Variants in POTEC observed in about 807,000 individuals in gnomAD.
POTEC encodes the protein POTE ankyrin domain family member C.
A neutral mutation model predicts 62.0 loss-of-function variants in POTEC; 35 were observed. The ratio of observed to expected loss-of-function variants is 0.56; its 90% CI spans 0.43 to 0.75. The LOEUF is 0.75. POTEC is among the 30% of genes least tolerant of loss of function. The pLI is 0.00. For synonymous variants in POTEC, 156 were observed against 221.5 expected, an observed-to-expected ratio of 0.70 and a Z score of 2.62; for missense variants, 472 against 655.9, an observed-to-expected ratio of 0.72 and a Z score of 3.06.
rs771771447 is a variant in POTEC at position 14,538,110 on chromosome 18, G to A, written c.636+25C>T. 1.8e-5 allele frequency: 27 copies of A among 1,541,280 alleles called. No individual in the cohort carries two copies. In the South Asian group the frequency reaches 2.7e-4, roughly 15 times the overall value. The stretch of plus-strand genomic sequence containing the variant: ...TCTATTGAAATCAAACCCATCTCAC[G>A]CTGATATAGTTGACTACTGCATACC... On this transcript the variant is annotated intron_variant, in intron 2 of 10. Coordinates refer to ENST00000358970, the MANE Select transcript of POTEC (RefSeq NM_001137671.2).
Position 14,507,405 on chromosome 18 carries a change from TTTTTTC to T in POTEC, c.*4487_*4492del, listed in dbSNP as rs1325855086. The T allele has an allele frequency of 1.3e-5, 2 of 151,884 alleles. No homozygotes were observed. Among genetic ancestry groups the T allele is most frequent in the African/African-American group, 2.4e-5 (1 of 41,326 alleles). The allele number at this position is 151,884 out of a possible 1,614,324, so 9.4% of individuals were successfully genotyped here. ...CAGAAACTAGGAGTGCAACACCTGCTTTTTTCTGTTTTCCATTTCCTTGAAATATTT... is the reference window on the plus strand; with the variant it reads ...CAGAAACTAGGAGTGCAACACCTGCTTGTTTTCCATTTCCTTGAAATATTT... On this transcript the variant is annotated 3_prime_UTR_variant, in exon 11 of 11. Transcript: ENST00000358970.
In POTEC at chr18:14,519,221, C is replaced by T. The variant is rs1910246906; in HGVS notation, c.1409+3033G>A. Among the ~76,000 whole-genome samples, 3 of 152,070 alleles carry T rather than the reference C, an allele frequency of 2.0e-5. No individual in the cohort carries two copies. In the South Asian group the frequency reaches 6.2e-4, roughly 32 times the overall value. On this transcript the variant is annotated intron_variant, in intron 9 of 10. Transcript: ENST00000358970. ...GAGCAACTGGAAGAGTTGCCCTTAA[C>T]CAAAGTAGGAAAGACTACATGAGGT...
At position 14,509,993 on chromosome 18, in the gene POTEC, G is replaced by C. The variant is rs1279936428; in HGVS notation, c.*1905C>G. 3 of 149,682 alleles carry C rather than the reference G, an allele frequency of 2.0e-5. No individual in the cohort carries two copies. The highest frequency in any genetic ancestry group is 5.0e-5 in the African/African-American group (2 of 40,262). The allele number at this position is 149,682 out of a possible 1,614,324, so 9.3% of individuals were successfully genotyped here. On this transcript the variant is annotated 3_prime_UTR_variant, in exon 11 of 11. Transcript: ENST00000358970. Reference sequence around the variant, plus strand: ...TGCTGGGATAAAGTGTCTCATAAGAGCAAGTGGAGCCTAGAGACATAGCTG... The same window carrying C: ...TGCTGGGATAAAGTGTCTCATAAGACCAAGTGGAGCCTAGAGACATAGCTG...
chr18:14,528,492 G>T (rs866896549), intron 6 of POTEC, among the ~76,000 whole-genome samples: 40 of 152,242 alleles, frequency 2.6e-4, no homozygotes, highest in Non-Finnish European at 5.0e-4. Context: ...CCCCTTGCAT[G>T]CTTCTAAGTT....
Position 14,507,852 on chromosome 18 carries a change from G to C in POTEC, c.*4046C>G, listed in dbSNP as rs1909888147. 1 of 152,158 alleles carries C rather than the reference G, an allele frequency of 6.6e-6. No individual in the cohort carries two copies. Among genetic ancestry groups the C allele is most frequent in the Non-Finnish European group, 1.5e-5 (1 of 68,048 alleles). The allele number at this position is 152,158 out of a possible 1,614,324, so 9.4% of individuals were successfully genotyped here. On this transcript the variant is annotated 3_prime_UTR_variant, in exon 11 of 11. Coordinates refer to ENST00000358970, the MANE Select transcript of POTEC (RefSeq NM_001137671.2). ...TCACTTATGATGCTTAATTTTGCTG[G>C]ACATGAAATTCTGGGTTGAAATTTC...
chr18:14,511,994 C>G lies in POTEC; in HGVS notation c.1534-1G>C. 2 of 1,609,670 alleles carry G rather than the reference C, an allele frequency of 1.2e-6. No individual in the cohort carries two copies. Among genetic ancestry groups the G allele is most frequent in the Non-Finnish European group, 1.7e-6 (2 of 1,178,390 alleles). On this transcript the variant is annotated splice_acceptor_variant, in intron 10 of 10. Coordinates refer to ENST00000358970, the MANE Select transcript of POTEC (RefSeq NM_001137671.2). LOFTEE classifies it high-confidence loss of function. The stretch of plus-strand genomic sequence containing the variant: ...CTTCTTTCTTATGACTAAGAGAAAG[C>G]TAAGTAAACAAAGGGAACTTTTAGT...
chr18:14,513,873 A>G (rs1910079903), intron 9 of POTEC, 88 bp from the exon 10 acceptor site: 16 of 1,595,708 alleles, frequency 1.0e-5, no homozygotes, highest in Non-Finnish European at 1.4e-5. Flanking sequence ...TGTCATTCAC[A>G]CAATGCATAT....
At chr18:14,537,222 A>AAAG (rs1905769968) in intron 3 of POTEC, among the ~76,000 whole-genome samples, 1 of 121,692 alleles carries the variant, frequency 8.2e-6, no homozygotes, top group South Asian at 2.8e-4. Context: ...AAAAAAAAAA[A>AAAG]AAACAAAAAA....
chr18:14,533,588 C>T (rs536583450), intron 4 of POTEC, among the ~76,000 whole-genome samples: 2 of 152,210 alleles, frequency 1.3e-5, no homozygotes, highest in East Asian at 3.9e-4. Context: ...TAAATAAGAG[C>T]TCTCTGCATG....
chr18:14,518,331 TTA>T (rs1203942455), intron 9 of POTEC, among the ~76,000 whole-genome samples: 4 of 150,850 alleles, frequency 2.7e-5, no homozygotes, highest in Non-Finnish European at 5.9e-5. Context: ...AATGAAATGT[TTA>T]TGTGTTTGAT....
intron 5 of POTEC, among the ~76,000 whole-genome samples, chr18:14,532,491 G>A (rs1233265203): frequency 6.6e-6 from 1 of 152,152 alleles, no homozygotes; most frequent in Non-Finnish European, 1.5e-5. Flanking sequence ...GCATCTTGGT[G>A]TCAAAGGTCA....
At chr18:14,527,529 G>T (rs2143139713) in intron 6 of POTEC, among the ~76,000 whole-genome samples, 1 of 151,968 alleles carries the variant, frequency 6.6e-6, no homozygotes, top group East Asian at 1.9e-4. Context: ...CCTTCCTCAT[G>T]TCCAGGTTAA....
chr18:14,537,501 A>AT (rs1905781534), intron 3 of POTEC, among the ~76,000 whole-genome samples: 1 of 151,996 alleles, frequency 6.6e-6, no homozygotes, highest in Non-Finnish European at 1.5e-5. Flanking sequence ...GTCATTTTAC[A>AT]TTCGTTAGGG....
chr18:14,524,679 T>A (rs569325626), intron 7 of POTEC, among the ~76,000 whole-genome samples: 3 of 152,162 alleles, frequency 2.0e-5, no homozygotes, highest in Non-Finnish European at 4.4e-5. Flanking sequence ...TTATAGTGGT[T>A]ATGTTTTTAA....
chr18:14,518,495 T>A (rs1910224875), intron 9 of POTEC, among the ~76,000 whole-genome samples: 1 of 150,508 alleles, frequency 6.6e-6, no homozygotes, highest in African/African-American at 2.4e-5. Flanking sequence ...AAGATACAAA[T>A]GGGTTTGAAG....
At chr18:14,522,475 C>T (rs1910336745) in intron 8 of POTEC, 55 bp from the exon 9 acceptor site, 3 of 1,475,360 alleles carry the variant, frequency 2.0e-6, no homozygotes, top group Non-Finnish European at 2.7e-6. Flanking sequence ...ATAAAAATAA[C>T]CTTTTTAATT....
chr18:14,534,835 T>G, intron 4 of POTEC, 66 bp downstream of exon 4: 1 of 1,490,402 alleles, frequency 6.7e-7, no homozygotes, highest in Non-Finnish European at 8.9e-7. Flanking sequence ...TATTAATTTA[T>G]TATTTATGAC....
In POTEC at chr18:14,508,278, C is replaced by T. The variant is rs1909899248; in HGVS notation, c.*3620G>A. ...TGTTCATTCCCTTTCATTCTTTTTTCCCCCATTCTTGTTTGCCTGTTTTAT... is the reference window on the plus strand; with the variant it reads ...TGTTCATTCCCTTTCATTCTTTTTTTCCCCATTCTTGTTTGCCTGTTTTAT... On this transcript the variant is annotated 3_prime_UTR_variant, in exon 11 of 11. Transcript: ENST00000358970. The T allele has an allele frequency of 6.6e-6, 1 of 152,542 alleles. No homozygotes were observed. Among genetic ancestry groups the T allele is most frequent in the African/African-American group, 2.4e-5 (1 of 41,418 alleles). The allele number at this position is 152,542 out of a possible 1,614,324, so 9.4% of individuals were successfully genotyped here.
chr18:14,527,305 C>T (rs577301871), intron 6 of POTEC, among the ~76,000 whole-genome samples: 1 of 152,008 alleles, frequency 6.6e-6, no homozygotes, highest in South Asian at 2.1e-4. Context: ...AGAAAAATGC[C>T]CTGCTAAAGG....
Sources: allele counts gnomAD v4.1 joint callset (sites outside exome capture counted in the v4.1 genomes callset), GRCh38; gene constraint gnomAD v4.1.1; transcripts MANE v1.5; gene names NCBI Gene and HGNC (gene_info 2026-07-23, HGNC 2026-07-21).